The following PLPPR3 variants were observed in gnomAD, a reference collection of about 807,000 sequenced individuals.
The protein encoded by PLPPR3 is phospholipid phosphatase-related protein type 3.
PLPPR3 carries 14 observed loss-of-function variants against 27.3 expected under a neutral mutation model. That is an observed-to-expected ratio of 0.51 (90% confidence interval 0.34 to 0.80). The LOEUF is 0.80. Ranked by LOEUF, PLPPR3 falls within the 30% of genes least tolerant of loss-of-function variation. PLPPR3 has a pLI of 0.01. For missense variants in PLPPR3, 1,287 were observed against 1,056.9 expected (o/e 1.22, Z -3.02); for synonymous variants, 671 against 508.0 (o/e 1.32, Z -4.32).
intron 2 of PLPPR3, among the ~76,000 whole-genome samples, chr19:817,909 GGA>G (rs1284755778): frequency 1.3e-5 from 2 of 152,314 alleles, no homozygotes; most frequent in Non-Finnish European, 2.9e-5. Context: ...CTGCAAAATG[GGA>G]ATGATAAAGT....
In PLPPR3 at chr19:813,274, G is replaced by A; in HGVS notation, c.1453C>T (p.Pro485Ser). Residue 485 changes from proline (P) to serine (S), a missense_variant, in exon 8 of 8, where the codon CCA becomes TCA. Transcript: ENST00000520876. The surrounding 1 kb of genome is among the most constrained non-coding windows in gnomAD (Gnocchi z 4.1). ...RPGLGPRVIL[P>S]PRAGPPPLVH... Reference sequence around the variant, plus strand: ...AGCGGCGGCGGCCCCGCGCGCGGTGGGAGGATGACCCGAGGCCCCAGCCCC... The same window carrying A: ...AGCGGCGGCGGCCCCGCGCGCGGTGAGAGGATGACCCGAGGCCCCAGCCCC... 4 of 1,474,924 alleles carry A rather than the reference G, an allele frequency of 2.7e-6. No individual in the cohort carries two copies. The Admixed American group carries it at 7.4e-5, about 27-fold the overall frequency. 91.4% of individuals were successfully genotyped at this position (1,474,924 alleles called of 1,614,324 possible). A position where few individuals can be genotyped will look rare whatever the true frequency, so the allele number is the denominator to read the frequency against.
rs1257546294 is a variant in PLPPR3 at position 816,553 on chromosome 19, T to C, written c.76-702A>G. Among the ~76,000 whole-genome samples, 4 of 73,240 alleles carry C rather than the reference T, an allele frequency of 5.5e-5. 1 individual carries two copies. The allele number at this position is 73,240 out of a possible 152,430, so 48.0% of individuals were successfully genotyped here. A position where few individuals can be genotyped will look rare whatever the true frequency, so the allele number is the denominator to read the frequency against. On this transcript the variant is annotated intron_variant, in intron 2 of 7. Coordinates refer to ENST00000520876, the MANE Select transcript of PLPPR3 (RefSeq NM_001270366.2). ...CCATGCCCCCAGTGGTACCCATCCATCCATCCATCCATTCATCACCCAGCC... is the reference window on the plus strand; with the variant it reads ...CCATGCCCCCAGTGGTACCCATCCACCCATCCATCCATTCATCACCCAGCC...
In PLPPR3 at chr19:821,568, G is replaced by T. The variant is rs1345195900; in HGVS notation, c.-9C>A. ...TCCTTGGTGGAGATCATGGTGCCGCGGGCGCCGCAGGCCGTGGCTGGAGGG... is the reference window on the plus strand; with the variant it reads ...TCCTTGGTGGAGATCATGGTGCCGCTGGCGCCGCAGGCCGTGGCTGGAGGG... On this transcript the variant is annotated 5_prime_UTR_variant, in exon 2 of 8. Transcript: ENST00000520876. 2.0e-6 allele frequency: 3 copies of T among 1,477,050 alleles called. No homozygotes were observed. In the East Asian group the frequency reaches 8.9e-5, roughly 44 times the overall value. The allele number at this position is 1,477,050 out of a possible 1,614,324, so 91.5% of individuals were successfully genotyped here. A position where few individuals can be genotyped will look rare whatever the true frequency, so the allele number is the denominator to read the frequency against.
rs555438013 is a variant in PLPPR3, at chr19:815,865, G to A, written c.76-14C>T. 22 of 1,610,850 alleles carry A rather than the reference G, an allele frequency of 1.4e-5. No individual in the cohort carries two copies. The African/African-American group carries it at 2.7e-4, about 20-fold the overall frequency. On this transcript the variant is annotated splice_polypyrimidine_tract_variant and intron_variant, in intron 2 of 7. Coordinates refer to ENST00000520876, the MANE Select transcript of PLPPR3 (RefSeq NM_001270366.2). The stretch of plus-strand genomic sequence containing the variant: ...CACTATGGGCAGCTGTGGGGACAAG[G>A]TGGGCCAGGTTCACCCTGCTCTCCC...
intron 3 of PLPPR3, 120 bp from the exon 4 acceptor site, chr19:815,447 G>A (rs1429861945): frequency 8.9e-7 from 1 of 1,123,054 alleles, no homozygotes; most frequent in Non-Finnish European, 1.2e-6. Flanking sequence ...TCACCGAGGT[G>A]GCGGGGGTGG....
Position 815,961 on chromosome 19 carries a change from C to T in PLPPR3, c.76-110G>A, listed in dbSNP as rs938924099. On this transcript the variant is annotated intron_variant, in intron 2 of 7. Transcript: ENST00000520876. ...CCGTCTCACTCACCTATCCACAGAT[C>T]CAACCCGCTCCCAGCCACTCTTTCC... The T allele has an allele frequency of 2.9e-5, 31 of 1,051,276 alleles. 1 individual carries two copies. In the Admixed American group the frequency reaches 4.5e-4, roughly 15 times the overall value. 65.1% of individuals were successfully genotyped at this position (1,051,276 alleles called of 1,614,324 possible).
chr19:819,509 C>T (rs994878316), intron 2 of PLPPR3, among the ~76,000 whole-genome samples: 1 of 151,758 alleles, frequency 6.6e-6, no homozygotes, highest in Non-Finnish European at 1.5e-5. Context: ...AGGCTGGTCT[C>T]GAACTCCTGA....
rs761695554 is a variant in PLPPR3, at chr19:815,068, G to A, written c.417C>T (p.Phe139=). The A allele has an allele frequency of 7.1e-5, 114 of 1,606,052 alleles. No homozygotes were observed. The highest frequency in any genetic ancestry group is 6.2e-4 in the Admixed American group (37 of 59,972). ...RTVRFVGVHV[F]GLCATALVTD... ...TCACCAGGGCTGTGGCACACAGGCC[G>A]AACACGTGGACACCTGCAGGGCGGA... is the stretch of plus-strand genomic sequence containing the variant. The change falls in exon 5 of 8, where the codon TTC becomes TTT. Residue 139 remains phenylalanine (F), a synonymous_variant. Transcript: ENST00000520876.
chr19:812,629 C>T lies in PLPPR3; in HGVS notation c.2098G>A (p.Ala700Thr). The change falls in exon 8 of 8, where the codon GCG becomes ACG. Residue 700 changes from alanine to threonine, a missense_variant. Ala to Thr is a moderately conservative substitution (Grantham distance 58). Coordinates refer to ENST00000520876, the MANE Select transcript of PLPPR3 (RefSeq NM_001270366.2). ...AAGTAGCCCTCGGCCTCCGCCTCCG[C>T]CTCGCGCTCCGCCAGCCCCAGGCCG... is the stretch of plus-strand genomic sequence containing the variant. ...AGGLGLAERE[A>T]EAEAEGYFRK... The T allele has an allele frequency of 4.5e-6, 5 of 1,113,144 alleles. No individual in the cohort carries two copies. The highest frequency in any genetic ancestry group is 4.4e-6 in the Non-Finnish European group (4 of 901,836). The allele number at this position is 1,113,144 out of a possible 1,614,324, so 69.0% of individuals were successfully genotyped here. A position where few individuals can be genotyped will look rare whatever the true frequency, so the allele number is the denominator to read the frequency against.
chr19:817,699 T>C (rs2035082612), intron 2 of PLPPR3, among the ~76,000 whole-genome samples: 1 of 152,036 alleles, frequency 6.6e-6, no homozygotes, highest in African/African-American at 2.4e-5. Flanking sequence ...TCACTGAACA[T>C]CCCAGGGCAG....
In PLPPR3 at chr19:813,568, C is replaced by G. The variant is rs1339396214; in HGVS notation, c.1159G>C (p.Asp387His). 2 of 1,558,028 alleles carry G rather than the reference C, an allele frequency of 1.3e-6. No homozygotes were observed. Among genetic ancestry groups the G allele is most frequent in the Non-Finnish European group, 8.7e-7 (1 of 1,153,336 alleles). The change falls in exon 8 of 8, where the codon GAC (aspartate) becomes CAC (histidine). Residue 387 changes from aspartate (D) to histidine (H), a missense_variant. By Grantham distance (81) the Asp-to-His change is moderately conservative. Coordinates refer to ENST00000520876, the MANE Select transcript of PLPPR3 (RefSeq NM_001270366.2). This position sits in a 1 kb window ranked among gnomAD's most constrained non-coding sequence, Gnocchi z 4.1. ...LPRASAPSLD[D>H]PARRHMTIHV... The stretch of plus-strand genomic sequence containing the variant: ...ATGGTCATGTGGCGGCGCGCGGGGT[C>G]GTCCAGCGAGGGCGCGCTGGCCCTG...
In PLPPR3 at chr19:818,048, C is replaced by T. The variant is rs148083216; in HGVS notation, c.76-2197G>A. ...TGGGGCGGGCAGACAGCATCAAGCC[C>T]GGGGAGGGTCTGAGGTGGGGCCTGG... On this transcript the variant is annotated intron_variant, in intron 2 of 7. Coordinates refer to ENST00000520876, the MANE Select transcript of PLPPR3 (RefSeq NM_001270366.2). Among the ~76,000 whole-genome samples the T allele has an allele frequency of 7.9e-5, 12 of 152,152 alleles. No homozygotes were observed. The East Asian group carries it at 2.3e-3, about 29-fold the overall frequency.
At chr19:820,967 T>C (rs1343164060) in intron 2 of PLPPR3, among the ~76,000 whole-genome samples, 1 of 152,238 alleles carries the variant, frequency 6.6e-6, no homozygotes, top group African/African-American at 2.4e-5. Flanking sequence ...AGGGGTTCCA[T>C]TTATGGTCAT....
At chr19:814,392 C>T (rs764064468) in intron 7 of PLPPR3, 42 bp downstream of exon 7, 35 of 1,547,700 alleles carry the variant, frequency 2.3e-5, no homozygotes, top group Admixed American at 2.1e-4. Context: ...CCTCAGATCC[C>T]CTGGGAACCC....
Position 813,756 on chromosome 19 carries a change from T to C in PLPPR3, c.971A>G (p.Asp324Gly). Residue 324 changes from aspartate to glycine, a missense_variant, in exon 8 of 8, where the codon GAC becomes GGC. Physicochemically the swap from Asp to Gly is moderately conservative, Grantham distance 94 (BLOSUM62 -1). Transcript: ENST00000520876. The surrounding 1 kb of genome is among the most constrained non-coding windows in gnomAD (Gnocchi z 4.1). ...VYQQNKSVST[D>G]ELGPPGRLEG... ...CAGCCGCCCTGGGGGCCCCAGCTCG[T>C]CGGTGCTCACCGACTTATTCTGCTG... is the stretch of plus-strand genomic sequence containing the variant. 6.5e-7 allele frequency: 1 copy of C among 1,527,072 alleles called. No homozygotes were observed. Among genetic ancestry groups the C allele is most frequent in the South Asian group, 1.2e-5 (1 of 83,276 alleles). 94.6% of individuals were successfully genotyped at this position (1,527,072 alleles called of 1,614,324 possible).
chr19:819,452 G>A (rs1357105505), intron 2 of PLPPR3, among the ~76,000 whole-genome samples: 1 of 151,256 alleles, frequency 6.6e-6, no homozygotes, highest in Non-Finnish European at 1.5e-5. Context: ...ACCATGCCCA[G>A]CTAATTTTTG....
At chr19:823,166 G>T (rs1167365509), upstream of PLPPR3, among the ~76,000 whole-genome samples, 1 of 151,338 alleles carries the variant, frequency 6.6e-6, no homozygotes, top group Non-Finnish European at 1.5e-5. Flanking sequence ...TCCAGGCTGG[G>T]TGCAGTGGCT....
chr19:821,610 AG>A (rs1164445671), intron 1 of PLPPR3, 25 bp from the exon 2 acceptor site: 24 of 1,207,644 alleles, frequency 2.0e-5, no homozygotes, highest in East Asian at 5.2e-5. Flanking sequence ...GCGGCGCTGG[AG>A]GGGGGCGCGC....
At chr19:814,411 C>A (rs1397004398) in intron 7 of PLPPR3, 23 bp downstream of exon 7, 12 of 1,579,624 alleles carry the variant, frequency 7.6e-6, no homozygotes, top group Non-Finnish European at 9.4e-6. Context: ...CCATGCCGAC[C>A]CCCATCAGAA....
Sources: allele counts gnomAD v4.1 joint callset (sites outside exome capture counted in the v4.1 genomes callset), GRCh38; gene constraint gnomAD v4.1.1; non-coding constraint Gnocchi (gnomAD v3.1); transcripts MANE v1.5; gene names NCBI Gene and HGNC (gene_info 2026-07-23, HGNC 2026-07-21).